HECW2: variants seen among roughly 807,000 people sequenced by gnomAD.
HECW2 encodes HECT, C2 and WW domain containing E3 ubiquitin protein ligase 2, also known as E3 ubiquitin-protein ligase HECW2.
In HECW2, 61 loss-of-function variants were observed where a neutral mutation model predicts 175.2. That is an observed-to-expected ratio of 0.35 (90% confidence interval 0.28 to 0.43). The LOEUF is 0.43. HECW2 is among the 20% of genes least tolerant of loss of function. HECW2 has a pLI of 1.00. For missense variants in HECW2, 1,524 were observed against 2,000.5 expected (o/e 0.76, Z 4.54); for synonymous variants, 671 against 731.0 (o/e 0.92, Z 1.32).
chr2:196,308,776 C>G (rs61571081), intron 10 of HECW2, among the ~76,000 whole-genome samples: 1,624 of 152,250 alleles, frequency 0.011, 30 homozygotes, highest in African/African-American at 0.037. Context: ...GTTCAGAAGG[C>G]AGATTGGTCT....
chr2:196,593,249 G>A (rs574644070), intron 1 of HECW2, among the ~76,000 whole-genome samples: 1 of 151,616 alleles, frequency 6.6e-6, no homozygotes, highest in Admixed American at 6.6e-5. Flanking sequence ...GCGGGGACGC[G>A]CGAAGCCATG....
In HECW2 at chr2:196,243,768, G is replaced by A. The variant is rs143323650; in HGVS notation, c.3530-1564C>T. 1.2e-3 allele frequency among the ~76,000 whole-genome samples: 175 copies of A among 149,994 alleles called. 1 individual carries two copies. Among genetic ancestry groups the A allele is most frequent in the Non-Finnish European group, 1.8e-3 (120 of 67,288 alleles). ...CTAATTTTGTATTTTTAGCAGGGACGTGGTTTCTCCATGTTGGTCAGGCTG... is the reference window on the plus strand; with the variant it reads ...CTAATTTTGTATTTTTAGCAGGGACATGGTTTCTCCATGTTGGTCAGGCTG... On this transcript the variant is annotated intron_variant, in intron 19 of 28. Coordinates refer to ENST00000644978, the MANE Select transcript of HECW2 (RefSeq NM_001348768.2).
At chr2:196,334,567 T>C in intron 3 of HECW2, 49 bp from the exon 4 acceptor site, 1 of 1,427,870 alleles carries the variant, frequency 7.0e-7, no homozygotes, top group Non-Finnish European at 9.7e-7. Context: ...AAACAAGTCA[T>C]GGAGGAATCA....
intron 22 of HECW2, 60 bp from the exon 23 acceptor site, chr2:196,225,930 T>C: frequency 1.9e-6 from 2 of 1,044,998 alleles, no homozygotes; most frequent in Non-Finnish European, 3.0e-6. Flanking sequence ...GGTGGTTCCA[T>C]ATGCTTTCTA....
intron 2 of HECW2, among the ~76,000 whole-genome samples, chr2:196,345,376 C>A (rs190988617): frequency 1.2e-4 from 19 of 152,326 alleles, no homozygotes; most frequent in Middle Eastern, 3.4e-3. Flanking sequence ...AAATACCTCT[C>A]CAAAATCCCA....
At chr2:196,351,405 C>G (rs1204307256) in intron 2 of HECW2, among the ~76,000 whole-genome samples, 1 of 152,042 alleles carries the variant, frequency 6.6e-6, no homozygotes, top group Non-Finnish European at 1.5e-5. Context: ...ACAGACATAT[C>G]AGACATATCC....
chr2:196,540,264 T>C (rs1429249060), intron 1 of HECW2, among the ~76,000 whole-genome samples: 1 of 152,208 alleles, frequency 6.6e-6, no homozygotes, highest in East Asian at 1.9e-4. Context: ...TGTTACTCCT[T>C]TAAACTTTTA....
At chr2:196,307,590 G>C (rs1575392748) in intron 11 of HECW2, among the ~76,000 whole-genome samples, 1 of 152,284 alleles carries the variant, frequency 6.6e-6, no homozygotes, top group South Asian at 2.1e-4. Flanking sequence ...ATAATAATGA[G>C]AAGCCACAAA....
chr2:196,319,966 C>T, intron 8 of HECW2, 62 bp from the exon 9 acceptor site: 1 of 1,466,770 alleles, frequency 6.8e-7, no homozygotes, highest in East Asian at 2.3e-5. Flanking sequence ...CGTTTTATGA[C>T]TTATTTGCTT....
At chr2:196,475,700 T>A (rs79587221) in intron 1 of HECW2, among the ~76,000 whole-genome samples, 12,027 of 152,264 alleles carry the variant, frequency 0.079, 553 homozygotes, top group Middle Eastern at 0.13. Context: ...GCAATAAAAT[T>A]TCCAGAATGA....
intron 21 of HECW2, among the ~76,000 whole-genome samples, chr2:196,231,285 C>T (rs1688047843): frequency 6.6e-6 from 1 of 152,260 alleles, no homozygotes; most frequent in African/African-American, 2.4e-5. Context: ...AGATCACTGA[C>T]TTGTATCACA....
At chr2:196,482,656 A>T (rs1686881641) in intron 1 of HECW2, among the ~76,000 whole-genome samples, 1 of 152,146 alleles carries the variant, frequency 6.6e-6, no homozygotes, top group Non-Finnish European at 1.5e-5. Flanking sequence ...GGGGCAGGGG[A>T]GCTGGCTGCT....
intron 26 of HECW2, 34 bp from the exon 27 acceptor site, chr2:196,217,127 T>C (rs779742273): frequency 1.3e-6 from 2 of 1,519,586 alleles, no homozygotes; most frequent in African/African-American, 2.8e-5. Context: ...CATGTTACTT[T>C]GACTCTTCTA....
At chr2:196,496,907 G>A (rs748370433) in intron 1 of HECW2, among the ~76,000 whole-genome samples, 4 of 152,094 alleles carry the variant, frequency 2.6e-5, no homozygotes, top group Non-Finnish European at 4.4e-5. Flanking sequence ...AAACATTAAT[G>A]AGTACCTAGC....
chr2:196,522,936 A>G (rs866577760), intron 1 of HECW2, among the ~76,000 whole-genome samples: 48 of 152,076 alleles, frequency 3.2e-4, no homozygotes, highest in Middle Eastern at 3.4e-3. Context: ...TGTTCTTTTG[A>G]CTTAGGATTG....
At chr2:196,563,395 G>A (rs953434365) in intron 1 of HECW2, among the ~76,000 whole-genome samples, 1 of 151,510 alleles carries the variant, frequency 6.6e-6, no homozygotes, top group Non-Finnish European at 1.5e-5. Context: ...GCAAAACCCC[G>A]CCTCTACTAA....
intron 28 of HECW2, among the ~76,000 whole-genome samples, chr2:196,202,429 AC>A (rs1034851546): frequency 8.5e-5 from 13 of 152,284 alleles, no homozygotes; most frequent in African/African-American, 3.1e-4. Flanking sequence ...AGCTCTATCA[AC>A]AAGTGTGTGA....
chr2:196,220,407 ACTAT>A (rs1317016242), intron 25 of HECW2, among the ~76,000 whole-genome samples: 25 of 152,316 alleles, frequency 1.6e-4, no homozygotes, highest in African/African-American at 4.3e-4. Context: ...CCTTTAGGAA[ACTAT>A]CTAGTGTTTC....
intron 1 of HECW2, among the ~76,000 whole-genome samples, chr2:196,578,433 T>C (rs1026374352): frequency 6.6e-6 from 1 of 152,010 alleles, no homozygotes; most frequent in African/African-American, 2.4e-5. Context: ...AGGAAAGAAA[T>C]TGAAAGGATA....
Sources: gnomAD v4.1 joint callset for allele counts (sites outside exome capture counted in the v4.1 genomes callset) on GRCh38, gnomAD v4.1.1 for gene constraint, MANE v1.5 for transcripts, NCBI Gene and HGNC (gene_info 2026-07-23, HGNC 2026-07-21) for gene names.